MTCL1: variants seen among roughly 807,000 people sequenced by gnomAD.
MTCL1 encodes microtubule crosslinking factor 1.
In MTCL1, 79 loss-of-function variants were observed where a neutral mutation model predicts 141.4. That is an observed-to-expected ratio of 0.56 (90% CI 0.47 to 0.67). MTCL1 has a LOEUF of 0.67. MTCL1 is among the 30% of genes least tolerant of loss of function. The pLI is 0.00. For synonymous variants in MTCL1, 914 were observed against 875.8 expected (o/e 1.04, Z -0.77); for missense variants, 2,177 against 2,113.9 (o/e 1.03, Z -0.59).
chr18:8,794,530 G>A (rs1285336359), intron 8 of MTCL1, among the ~76,000 whole-genome samples: 6 of 152,190 alleles, frequency 3.9e-5, no homozygotes, highest in African/African-American at 1.2e-4. Context: ...GCGGGTCCGG[G>A]TGTCTCAGCG....
intron 4 of MTCL1, among the ~76,000 whole-genome samples, chr18:8,746,128 C>T (rs1257402413): frequency 6.6e-6 from 1 of 152,156 alleles, no homozygotes. Context: ...TTGAGTTGAT[C>T]TGTTTATCCA....
intron 4 of MTCL1, among the ~76,000 whole-genome samples, chr18:8,766,195 CG>C (rs1344321095): frequency 6.6e-6 from 1 of 152,236 alleles, no homozygotes; most frequent in African/African-American, 2.4e-5. Flanking sequence ...ACAAGAAAGG[CG>C]TGGTTAATGA....
upstream of MTCL1, chr18:8,705,603 C>CCGCCGCCGCCGCCGTCGT (rs1201882474): frequency 1.7e-6 from 2 of 1,206,472 alleles, no homozygotes; most frequent in Non-Finnish European, 2.0e-6. This position sits in a 1 kb window ranked among gnomAD's most constrained non-coding sequence, Gnocchi z 5.2. Flanking sequence ...GCCGCCGCCG[C>CCGCCGCCGCCGCCGTCGT]CGCCGCCGTC....
At position 8,826,085 on chromosome 18, in the gene MTCL1, G is replaced by C. The variant is rs3744977; in HGVS notation, c.4575G>C (p.Thr1525=). 1,550,785 of 1,610,592 alleles carry C rather than the reference G, an allele frequency of 0.96. 748,036 individuals are homozygous for C. Among genetic ancestry groups the C allele is most frequent in the Non-Finnish European group, 0.98 (1,153,123 of 1,178,450 alleles). The stretch of plus-strand genomic sequence containing the variant: ...ACTTATCTGCTCCCCCTGGCTACAC[G>C]CTCACTGAGAACGTGGCCCGGATCC... The change falls in exon 15 of 17, where the codon ACG becomes ACC. Residue 1525 remains threonine (T), a synonymous_variant. Transcript: ENST00000359865.
chr18:8,824,618 C>T (rs927073827), intron 14 of MTCL1, 81 bp from the exon 14 acceptor site: 19 of 1,259,834 alleles, frequency 1.5e-5, no homozygotes, highest in Middle Eastern at 4.5e-4. Context: ...TGACACTTCT[C>T]ATGCAGGGCA....
intron 7 of MTCL1, chr18:8,786,938 G>A (rs1462045068): frequency 6.4e-6 from 1 of 157,370 alleles, no homozygotes; most frequent in African/African-American, 2.4e-5. Flanking sequence ...TGGAACCACA[G>A]CTCCGGCTAC....
At chr18:8,754,290 C>T (rs1450486167) in intron 4 of MTCL1, among the ~76,000 whole-genome samples, 2 of 152,146 alleles carry the variant, frequency 1.3e-5, no homozygotes, top group East Asian at 1.9e-4. Context: ...AGGCTGGTCT[C>T]GAACTCCTGG....
chr18:8,726,482 A>AGAGC (rs2096213248), intron 4 of MTCL1, among the ~76,000 whole-genome samples: 1 of 114,794 alleles, frequency 8.7e-6, no homozygotes, highest in Non-Finnish European at 1.7e-5. Flanking sequence ...GGAGAGAGAG[A>AGAGC]GAGAGAGAGA....
intron 10 of MTCL1, among the ~76,000 whole-genome samples, chr18:8,799,986 G>A (rs1424031770): frequency 1.3e-5 from 2 of 152,240 alleles, no homozygotes; most frequent in African/African-American, 4.8e-5. Flanking sequence ...AGAAGCACGT[G>A]GCGGGGTGGG....
At chr18:8,754,029 C>T (rs892281854) in intron 4 of MTCL1, among the ~76,000 whole-genome samples, 1 of 152,122 alleles carries the variant, frequency 6.6e-6, no homozygotes, top group South Asian at 2.1e-4. Flanking sequence ...TACAGACTTA[C>T]GTGACAAGCA....
intron 4 of MTCL1, among the ~76,000 whole-genome samples, chr18:8,738,307 G>A (rs2096284101): frequency 6.6e-6 from 1 of 152,180 alleles, no homozygotes; most frequent in Non-Finnish European, 1.5e-5. Flanking sequence ...GGATTTATGG[G>A]TATTACACAT....
chr18:8,713,333 A>G (rs2096106135), upstream of MTCL1, among the ~76,000 whole-genome samples: 1 of 152,244 alleles, frequency 6.6e-6, no homozygotes, highest in Admixed American at 6.5e-5. Context: ...ACTATTAAGG[A>G]CAGCTTTTTC....
At chr18:8,763,485 G>A (rs2096443564) in intron 4 of MTCL1, among the ~76,000 whole-genome samples, 1 of 152,240 alleles carries the variant, frequency 6.6e-6, no homozygotes, top group South Asian at 2.1e-4. Flanking sequence ...AAGGCAGAGA[G>A]TCTCCAGCCC....
intron 1 of MTCL1, among the ~76,000 whole-genome samples, chr18:8,708,997 C>T (rs1040564228): frequency 2.0e-5 from 3 of 152,258 alleles, no homozygotes; most frequent in Admixed American, 6.5e-5. Context: ...TAGTTCAATT[C>T]GGGAAGGAAA....
chr18:8,796,460 G>A (rs2075922825), exon 9 of MTCL1: 1 of 1,613,756 alleles, frequency 6.2e-7, no homozygotes, highest in South Asian at 1.1e-5. Flanking sequence ...GGAGTTCACT[G>A]AGGTAACTCC....
chr18:8,736,052 C>A (rs2096273228), intron 4 of MTCL1, among the ~76,000 whole-genome samples: 1 of 152,076 alleles, frequency 6.6e-6, no homozygotes, highest in Non-Finnish European at 1.5e-5. Flanking sequence ...ATAATTAAGT[C>A]CTTCTCCTCA....
chr18:8,792,620 C>CA (rs1301722026), intron 7 of MTCL1, among the ~76,000 whole-genome samples: 3 of 152,234 alleles, frequency 2.0e-5, no homozygotes, highest in Admixed American at 2.0e-4. Context: ...AATAGGTGGT[C>CA]ATGCTTGCCT....
At position 8,813,288 on chromosome 18, in the gene MTCL1, T is replaced by C. The variant is rs952117591; in HGVS notation, c.2859+55T>C. The stretch of plus-strand genomic sequence containing the variant: ...TAGGCACAGAGTGTAGACTGCTCAG[T>C]GGACCCAGAAAGCAAAAGCACTAGG... On this transcript the variant is annotated intron_variant, in intron 12 of 16. Coordinates refer to ENST00000359865, the Ensembl canonical transcript of MTCL1. The C allele has an allele frequency of 1.3e-5, 20 of 1,557,594 alleles. No individual in the cohort carries two copies. The African/African-American group carries it at 1.6e-4, about 13-fold the overall frequency.
chr18:8,825,259 T>C, exon 15 of MTCL1: 1 of 1,586,942 alleles, frequency 6.3e-7, no homozygotes. Flanking sequence ...CGGGACTATG[T>C]GGAGGGGGCA....
Sources: allele counts gnomAD v4.1 joint callset (sites outside exome capture counted in the v4.1 genomes callset), GRCh38; gene constraint gnomAD v4.1.1; non-coding constraint Gnocchi (gnomAD v3.1); transcripts MANE v1.5; gene names NCBI Gene and HGNC (gene_info 2026-07-23, HGNC 2026-07-21).